The following AMPH variants were observed in gnomAD, a reference collection of about 807,000 sequenced individuals.
The protein encoded by AMPH is amphiphysin (Stiff-Mann syndrome with breast cancer 128kD autoantigen).
A neutral mutation model predicts 99.1 loss-of-function variants in AMPH; 49 were observed. The observed-to-expected ratio is 0.49, with a 90% CI of 0.39 to 0.63. The LOEUF is 0.63. Among genes scored for constraint, AMPH ranks in the 20% least tolerant of loss-of-function variants. The probability of loss-of-function intolerance (pLI) is 0.00; values close to 1 mark genes in which losing one functional copy is unlikely to be tolerated. For missense variants in AMPH, 759 were observed against 863.4 expected, an observed-to-expected ratio of 0.88 and a Z score of 1.52; for synonymous variants, 314 against 317.3, an observed-to-expected ratio of 0.99 and a Z score of 0.11.
intron 1 of AMPH, among the ~76,000 whole-genome samples, chr7:38,591,661 T>C (rs1303336294): frequency 6.6e-6 from 1 of 152,098 alleles, no homozygotes; most frequent in East Asian, 1.9e-4. Flanking sequence ...TTCTGCAAAG[T>C]TCCCCCAAAC....
chr7:38,407,623 A>T (rs762189405), intron 17 of AMPH, among the ~76,000 whole-genome samples: 7 of 152,150 alleles, frequency 4.6e-5, no homozygotes, highest in Admixed American at 1.3e-4. Flanking sequence ...AAATTTAAAA[A>T]TTTTAAATTA....
intron 3 of AMPH, among the ~76,000 whole-genome samples, chr7:38,497,554 TA>T (rs1455454034): frequency 6.6e-6 from 1 of 152,214 alleles, no homozygotes; most frequent in African/African-American, 2.4e-5. Flanking sequence ...TGCACTACTT[TA>T]TAAGTACTCC....
chr7:38,620,335 T>A (rs1397347610), intron 1 of AMPH, among the ~76,000 whole-genome samples: 1 of 77,780 alleles, frequency 1.3e-5, no homozygotes, highest in Non-Finnish European at 2.8e-5. Flanking sequence ...GAGATATATA[T>A]ATGTGTGTGT....
chr7:38,631,284 T>A lies in AMPH; in HGVS notation c.68A>T (p.Lys23Met). 1 of 1,529,150 alleles carries A rather than the reference T, an allele frequency of 6.5e-7. No homozygotes were observed. Among genetic ancestry groups the A allele is most frequent in the Non-Finnish European group, 8.8e-7 (1 of 1,138,562 alleles). The allele number at this position is 1,529,150 out of a possible 1,614,324, so 94.7% of individuals were successfully genotyped here. ...CAGCCCCGGCCGCCCGCCGCTGACC[T>A]TTTCCTGCGCGCGGTTGAGTCGCTT... is the stretch of plus-strand genomic sequence containing the variant. ...VQKRLNRAQE[K>M]VLQKLGKADE... The change falls in exon 1 of 21, where the codon AAG (lysine) becomes ATG (methionine). Residue 23 changes from lysine to methionine, a missense_variant and splice_region_variant. Lys to Met is a moderately conservative substitution (Grantham distance 95). Transcript: ENST00000356264.
intron 1 of AMPH, among the ~76,000 whole-genome samples, chr7:38,585,165 A>T (rs773577242): frequency 5.9e-4 from 90 of 152,276 alleles, no homozygotes; most frequent in Non-Finnish European, 6.3e-4. Flanking sequence ...ATTTCCCCTC[A>T]CAAGAACCCC....
intron 1 of AMPH, among the ~76,000 whole-genome samples, chr7:38,601,595 T>C (rs941997573): frequency 3.9e-5 from 6 of 152,202 alleles, no homozygotes; most frequent in African/African-American, 9.6e-5. Context: ...CCAGTATCTA[T>C]AGCACAGTTC....
chr7:38,581,755 T>C (rs67888998), intron 1 of AMPH, among the ~76,000 whole-genome samples: 42,789 of 151,960 alleles, frequency 0.28, 6,428 homozygotes, highest in Non-Finnish European at 0.34. Flanking sequence ...ACATCTATTT[T>C]AGAATTTGAT....
chr7:38,617,550 GTC>G (rs1218171456), intron 1 of AMPH, among the ~76,000 whole-genome samples: 6 of 152,202 alleles, frequency 3.9e-5, no homozygotes, highest in Non-Finnish European at 8.8e-5. Context: ...GAAAATCTGA[GTC>G]TTCAAGGGCA....
At chr7:38,510,816 C>G (rs10275840) in intron 2 of AMPH, among the ~76,000 whole-genome samples, 4 of 152,172 alleles carry the variant, frequency 2.6e-5, no homozygotes, top group Non-Finnish European at 5.9e-5. Context: ...ATAATGTAAC[C>G]AAAGGCACCA....
intron 2 of AMPH, among the ~76,000 whole-genome samples, chr7:38,504,781 C>T (rs1228089072): frequency 1.3e-5 from 2 of 152,158 alleles, no homozygotes; most frequent in Non-Finnish European, 2.9e-5. Context: ...GCACGTCAGT[C>T]TTGTGGGCTC....
intron 5 of AMPH, among the ~76,000 whole-genome samples, chr7:38,482,990 G>A (rs1788348674): frequency 6.6e-6 from 1 of 152,034 alleles, no homozygotes; most frequent in African/African-American, 2.4e-5. Context: ...TTAACCCTTG[G>A]CAAGTGCAAA....
At chr7:38,520,499 G>C (rs767960537) in intron 2 of AMPH, among the ~76,000 whole-genome samples, 3 of 152,196 alleles carry the variant, frequency 2.0e-5, no homozygotes, top group Non-Finnish European at 4.4e-5. Context: ...CACCTAGCAA[G>C]TACTAGAAGC....
intron 7 of AMPH, among the ~76,000 whole-genome samples, chr7:38,469,578 T>G (rs958372721): frequency 1.3e-5 from 2 of 152,094 alleles, no homozygotes; most frequent in African/African-American, 4.8e-5. Context: ...TTTTCCTAGC[T>G]CTCTTCTGAT....
chr7:38,517,044 C>T (rs1013751465), intron 2 of AMPH, among the ~76,000 whole-genome samples: 1 of 152,206 alleles, frequency 6.6e-6, no homozygotes, highest in South Asian at 2.1e-4. Flanking sequence ...TCTATTTTTA[C>T]AGGCTCATAG....
chr7:38,550,109 T>C (rs1791128537), intron 1 of AMPH, among the ~76,000 whole-genome samples: 1 of 152,228 alleles, frequency 6.6e-6, no homozygotes, highest in Non-Finnish European at 1.5e-5. Flanking sequence ...AAGAATAAGT[T>C]AGTCATCTTG....
At chr7:38,551,042 G>A (rs556650352) in intron 1 of AMPH, among the ~76,000 whole-genome samples, 2 of 152,078 alleles carry the variant, frequency 1.3e-5, no homozygotes, top group Non-Finnish European at 2.9e-5. Context: ...TCAGTGGCTT[G>A]CTCAAAACCC....
chr7:38,454,048 A>T (rs908245023), intron 11 of AMPH, among the ~76,000 whole-genome samples: 21 of 152,336 alleles, frequency 1.4e-4, no homozygotes, highest in Non-Finnish European at 2.8e-4. Context: ...ACAGACATAC[A>T]ATCTGGCCAT....
At chr7:38,436,461 T>G in intron 11 of AMPH, 73 bp from the exon 12 acceptor site, 2 of 1,070,760 alleles carry the variant, frequency 1.9e-6, no homozygotes, top group Non-Finnish European at 2.9e-6. Flanking sequence ...ATATAGCCCA[T>G]GTATACTCTC....
chr7:38,600,531 T>C (rs926800952), intron 1 of AMPH, among the ~76,000 whole-genome samples: 1 of 152,208 alleles, frequency 6.6e-6, no homozygotes, highest in Non-Finnish European at 1.5e-5. Context: ...TTATCATAAC[T>C]TCTATATATC....
Sources: gnomAD v4.1 joint callset for allele counts (sites outside exome capture counted in the v4.1 genomes callset) on GRCh38, gnomAD v4.1.1 for gene constraint, MANE v1.5 for transcripts, NCBI Gene and HGNC (gene_info 2026-07-23, HGNC 2026-07-21) for gene names.